The following PRKN variants were observed in gnomAD, a reference collection of about 807,000 sequenced individuals.
PRKN encodes E3 ubiquitin-protein ligase parkin.
Under a neutral mutation model 59.5 loss-of-function variants are expected in PRKN, and 56 were observed. The observed-to-expected ratio is 0.94, with a 90% CI of 0.76 to 1.18. The LOEUF (loss-of-function observed/expected upper bound fraction) is 1.18. Among genes scored for constraint, PRKN ranks in the 50% most tolerant of loss-of-function variants. The probability of loss-of-function intolerance (pLI) is 0.00; values close to 1 mark genes in which losing one functional copy is unlikely to be tolerated. For synonymous variants in PRKN, 250 were observed against 222.1 expected, an observed-to-expected ratio of 1.13 and a Z score of -1.12; for missense variants, 657 against 596.4, an observed-to-expected ratio of 1.10 and a Z score of -1.06.
chr6:162,254,233 C>T (rs1779552668), intron 3 of PRKN, among the ~76,000 whole-genome samples: 1 of 151,848 alleles, frequency 6.6e-6, no homozygotes, highest in African/African-American at 2.4e-5. Context: ...CTGAGGTGGG[C>T]AGATCATGAG....
intron 9 of PRKN, among the ~76,000 whole-genome samples, chr6:161,477,731 T>C (rs1380972100): frequency 6.6e-6 from 1 of 152,172 alleles, no homozygotes; most frequent in Non-Finnish European, 1.5e-5. Context: ...GAAAATTAAA[T>C]AGATACATCA....
At chr6:161,437,853 T>C (rs1172204792) in intron 9 of PRKN, among the ~76,000 whole-genome samples, 1 of 152,192 alleles carries the variant, frequency 6.6e-6, no homozygotes, top group East Asian at 1.9e-4. Flanking sequence ...GTGACCATTA[T>C]GCAACTATTA....
intron 2 of PRKN, among the ~76,000 whole-genome samples, chr6:162,400,823 A>G (rs545253001): frequency 5.9e-5 from 9 of 152,310 alleles, no homozygotes; most frequent in East Asian, 1.9e-4. Context: ...TCAGGCCCCA[A>G]TAAAATATGA....
At chr6:162,036,714 C>A (rs1406911785) in intron 5 of PRKN, among the ~76,000 whole-genome samples, 2 of 151,966 alleles carry the variant, frequency 1.3e-5, no homozygotes, top group Non-Finnish European at 2.9e-5. Context: ...TTAAAAAGAC[C>A]TGAAAATTAA....
rs1001404214 is a variant in PRKN, at chr6:162,660,165, AT to A, written c.7+67496del. On this transcript the variant is annotated intron_variant, in intron 1 of 11. Transcript: ENST00000366898. ...AAAATTCAAAAATTATTTTAAATGTATAGTATAATCATTTTATTATAAAGAA... is the reference window on the plus strand; with the variant it reads ...AAAATTCAAAAATTATTTTAAATGTAAGTATAATCATTTTATTATAAAGAA... Among the ~76,000 whole-genome samples the A allele has an allele frequency of 9.2e-5, 14 of 152,320 alleles. No individual in the cohort carries two copies. In the East Asian group the frequency reaches 2.5e-3, roughly 27 times the overall value.
chr6:162,384,727 G>A (rs190115177), intron 2 of PRKN, among the ~76,000 whole-genome samples: 4 of 151,030 alleles, frequency 2.6e-5, no homozygotes, highest in African/African-American at 9.7e-5. Context: ...AATGAGCTGT[G>A]CCTGTGATAC....
At chr6:162,711,665 G>C (rs1778543375) in intron 1 of PRKN, among the ~76,000 whole-genome samples, 1 of 152,174 alleles carries the variant, frequency 6.6e-6, no homozygotes, top group African/African-American at 2.4e-5. Flanking sequence ...ACACTATGTG[G>C]CTTAATCAAA....
At chr6:161,968,913 T>C (rs902408082) in intron 6 of PRKN, among the ~76,000 whole-genome samples, 5 of 152,364 alleles carry the variant, frequency 3.3e-5, no homozygotes, top group Admixed American at 6.5e-5. Context: ...TTTTGTAGAC[T>C]TTTTGTATAG....
intron 9 of PRKN, among the ~76,000 whole-genome samples, chr6:161,495,324 A>G (rs1388557837): frequency 2.6e-5 from 4 of 152,148 alleles, no homozygotes; most frequent in African/African-American, 9.7e-5. Flanking sequence ...GTGTCAGACA[A>G]CATGCTATGG....
chr6:161,603,666 AT>A (rs1357535349), intron 7 of PRKN, among the ~76,000 whole-genome samples: 13 of 152,142 alleles, frequency 8.5e-5, no homozygotes, highest in African/African-American at 2.9e-4. Context: ...GACTTACACT[AT>A]TTTAACTCCT....
chr6:162,382,296 T>C (rs997642371), intron 2 of PRKN, among the ~76,000 whole-genome samples: 9 of 152,084 alleles, frequency 5.9e-5, no homozygotes, highest in African/African-American at 2.2e-4. Flanking sequence ...TTAAATACAT[T>C]TCCTGAATAA....
chr6:161,887,261 G>A (rs1433432212), intron 6 of PRKN, among the ~76,000 whole-genome samples: 1 of 152,102 alleles, frequency 6.6e-6, no homozygotes, highest in Non-Finnish European at 1.5e-5. Context: ...GGTTACAGAG[G>A]TAGTACTGGA....
At chr6:162,072,177 G>T (rs1040494173) in intron 4 of PRKN, among the ~76,000 whole-genome samples, 5 of 152,038 alleles carry the variant, frequency 3.3e-5, no homozygotes, top group African/African-American at 1.2e-4. Context: ...AATCCCAGTT[G>T]CTTGGGAGGC....
Position 161,542,226 on chromosome 6 carries a change from C to T in PRKN, c.1083+6628G>A, listed in dbSNP as rs185431162. Among the ~76,000 whole-genome samples the T allele has an allele frequency of 3.6e-4, 55 of 152,300 alleles. 2 individuals are homozygous for T. In the Middle Eastern group the frequency reaches 0.017, roughly 47 times the overall value. ...TATAATACATGTGACATACAAAATACCTGCTCATTAGCCATTTATATTATT... is the reference window on the plus strand; with the variant it reads ...TATAATACATGTGACATACAAAATATCTGCTCATTAGCCATTTATATTATT... On this transcript the variant is annotated intron_variant, in intron 9 of 11. Coordinates refer to ENST00000366898, the MANE Select transcript of PRKN (RefSeq NM_004562.3).
intron 7 of PRKN, among the ~76,000 whole-genome samples, chr6:161,779,003 G>C (rs1011090072): frequency 1.2e-4 from 19 of 152,228 alleles, no homozygotes; most frequent in African/African-American, 4.3e-4. Flanking sequence ...GGAGTGCAAT[G>C]ATCTCGGCTC....
At chr6:162,142,705 T>C (rs1209443070) in intron 4 of PRKN, among the ~76,000 whole-genome samples, 1 of 152,130 alleles carries the variant, frequency 6.6e-6, no homozygotes, top group Non-Finnish European at 1.5e-5. Context: ...ACAGAATCAG[T>C]ATTGCTTTAG....
At chr6:162,295,613 G>A (rs1283840760) in intron 2 of PRKN, among the ~76,000 whole-genome samples, 1 of 152,132 alleles carries the variant, frequency 6.6e-6, no homozygotes, top group Non-Finnish European at 1.5e-5. Flanking sequence ...GTATAAAACG[G>A]AAGTATTACC....
chr6:161,392,870 CTTGCA>C (rs1457340123), intron 9 of PRKN, among the ~76,000 whole-genome samples: 3 of 151,606 alleles, frequency 2.0e-5, no homozygotes, highest in African/African-American at 7.3e-5. Flanking sequence ...ATATTTTTGT[CTTGCA>C]ACTAATATGT....
intron 2 of PRKN, among the ~76,000 whole-genome samples, chr6:162,414,726 A>AAAAAAAAAAAAAAGT (rs34838356): frequency 0.083 from 7,565 of 90,864 alleles, 1,641 homozygotes; most frequent in African/African-American, 0.12. Context: ...AAAAAAAAAA[A>AAAAAAAAAAAAAAGT]AGTGAATCTT....
Sources: gnomAD v4.1 joint callset for allele counts (sites outside exome capture counted in the v4.1 genomes callset) on GRCh38, gnomAD v4.1.1 for gene constraint, MANE v1.5 for transcripts, NCBI Gene and HGNC (gene_info 2026-07-23, HGNC 2026-07-21) for gene names.